The following DCDC1 variants were observed in gnomAD, a reference collection of about 807,000 sequenced individuals.
DCDC1 encodes doublecortin domain containing 1, also known as doublecortin domain-containing protein 1.
A neutral mutation model predicts 178.3 loss-of-function variants in DCDC1; 200 were observed. The observed-to-expected ratio is 1.12, with a 90% confidence interval of 1.00 to 1.26. The LOEUF is 1.26. Among genes scored for constraint, DCDC1 ranks in the 50% most tolerant of loss-of-function variants. The pLI, the probability that DCDC1 is intolerant of heterozygous loss-of-function variation, is 0.00. For synonymous variants in DCDC1, 690 were observed against 604.8 expected (o/e 1.14, Z -2.07); for missense variants, 1,983 against 1,749.2 (o/e 1.13, Z -2.38).
At chr11:31,249,626 A>C (rs1943828489) in intron 8 of DCDC1, among the ~76,000 whole-genome samples, 1 of 152,148 alleles carries the variant, frequency 6.6e-6, no homozygotes, top group Non-Finnish European at 1.5e-5. Context: ...TTTCCGACAC[A>C]ACAGGCTCTT....
chr11:31,362,297 G>C (rs1377616828), intron 1 of DCDC1, among the ~76,000 whole-genome samples: 3 of 152,122 alleles, frequency 2.0e-5, no homozygotes, highest in Non-Finnish European at 4.4e-5. Context: ...AATAGTGATA[G>C]AGGAATATTC....
chr11:31,366,004 A>G (rs1200644144), intron 1 of DCDC1, among the ~76,000 whole-genome samples: 1 of 152,210 alleles, frequency 6.6e-6, no homozygotes, highest in Non-Finnish European at 1.5e-5. Context: ...TTATTAATTA[A>G]TAATAACAAC....
intron 9 of DCDC1, among the ~76,000 whole-genome samples, chr11:31,164,922 C>G (rs1483520493): frequency 1.3e-5 from 2 of 152,178 alleles, no homozygotes; most frequent in Non-Finnish European, 2.9e-5. Context: ...CCCTGTACAG[C>G]TGTGCCATTT....
chr11:31,307,326 C>G (rs1022325715), intron 4 of DCDC1: 3 of 254,038 alleles, frequency 1.2e-5, no homozygotes, highest in Admixed American at 4.9e-5. Flanking sequence ...GGTTAAATAT[C>G]AAAAGAAAGC....
Position 31,173,771 on chromosome 11 carries a change from C to CA in DCDC1, c.1222-35988_1222-35987insT, listed in dbSNP as rs1555100754. Among the ~76,000 whole-genome samples, 95 of 149,528 alleles carry CA rather than the reference C, an allele frequency of 6.4e-4. 1 individual carries two copies. The highest frequency in any genetic ancestry group is 2.2e-3 in the East Asian group (11 of 4,984). ...ACACACACACACAAACACACACACA[C>CA]CCCCACATCTTTTTAGACATCTTTT... On this transcript the variant is annotated intron_variant, in intron 9 of 38. Coordinates refer to ENST00000684477, the MANE Select transcript of DCDC1 (RefSeq NM_001387274.1).
chr11:30,900,456 G>T lies in DCDC1; in HGVS notation c.4553C>A (p.Ser1518Tyr). ...MKVKNRLFAK[S>Y]VTSDSLDGID... ...ACCATCCAAACTATCGGATGTCACA[G>T]ATTTTGCAAATAATCTGTTTTTCAC... Residue 1518 changes from serine (S) to tyrosine (Y), a missense_variant, in exon 33 of 39, where the codon TCT becomes TAT. Coordinates refer to ENST00000684477, the MANE Select transcript of DCDC1 (RefSeq NM_001387274.1). The T allele has an allele frequency of 6.4e-7, 1 of 1,551,838 alleles. No homozygotes were observed. The highest frequency in any genetic ancestry group is 1.9e-5 in the Admixed American group (1 of 53,206).
intron 9 of DCDC1, among the ~76,000 whole-genome samples, chr11:31,224,732 A>C (rs1468270031): frequency 6.6e-6 from 1 of 152,158 alleles, no homozygotes; most frequent in Non-Finnish European, 1.5e-5. Flanking sequence ...GAAGATATAC[A>C]AACAGCCAGC....
chr11:31,063,626 C>G (rs944364117), intron 20 of DCDC1, among the ~76,000 whole-genome samples: 20 of 152,056 alleles, frequency 1.3e-4, no homozygotes, highest in Non-Finnish European at 1.0e-4. Flanking sequence ...TGCTGATAAT[C>G]CCATCACTTT....
intron 20 of DCDC1, among the ~76,000 whole-genome samples, chr11:31,026,660 C>A (rs547502864): frequency 2.0e-5 from 3 of 151,648 alleles, no homozygotes; most frequent in Admixed American, 1.3e-4. Context: ...TACTTTGATG[C>A]GCTTTTTATT....
chr11:30,936,482 T>C (rs1947287183), intron 21 of DCDC1, among the ~76,000 whole-genome samples: 1 of 152,140 alleles, frequency 6.6e-6, no homozygotes, highest in Non-Finnish European at 1.5e-5. Context: ...TTCCATAATT[T>C]CCCTTAACAC....
chr11:31,281,363 G>A lies in DCDC1; in HGVS notation c.960+9284C>T, dbSNP rs75092080. On this transcript the variant is annotated intron_variant, in intron 7 of 38. Transcript: ENST00000684477. ...AAACAGTTCAGTCTTTCATCATTAG[G>A]TATGTAGTTAAATCAGTGTTTAGTA... 7.1e-3 allele frequency among the ~76,000 whole-genome samples: 1,080 copies of A among 152,052 alleles called. 7 individuals are homozygous for A. The highest frequency in any genetic ancestry group is 0.034 in the Middle Eastern group (10 of 294).
intron 30 of DCDC1, 42 bp from the exon 31 acceptor site, chr11:30,905,206 CTTGT>C: frequency 6.5e-7 from 1 of 1,538,334 alleles, no homozygotes; most frequent in Non-Finnish European, 8.8e-7. Flanking sequence ...CTCAAACTTT[CTTGT>C]TTTAGTGTGC....
At chr11:31,343,500 T>A (rs890561461) in intron 1 of DCDC1, among the ~76,000 whole-genome samples, 2 of 150,780 alleles carry the variant, frequency 1.3e-5, no homozygotes, top group Non-Finnish European at 3.0e-5. Flanking sequence ...AGAGATGGGG[T>A]TTCTCCATGT....
At chr11:30,866,563 G>A (rs1940997166) in intron 38 of DCDC1, among the ~76,000 whole-genome samples, 1 of 152,028 alleles carries the variant, frequency 6.6e-6, no homozygotes, top group Non-Finnish European at 1.5e-5. Flanking sequence ...GAATTTTGGA[G>A]GGACACAAAT....
At chr11:31,039,165 T>A (rs1422826338) in intron 20 of DCDC1, among the ~76,000 whole-genome samples, 2 of 152,280 alleles carry the variant, frequency 1.3e-5, no homozygotes, top group South Asian at 2.1e-4. Flanking sequence ...TGACAGGTAA[T>A]GTATGCTGTA....
rs188689387 is a variant in DCDC1 at position 31,026,112 on chromosome 11, T to C, written c.2591+38357A>G. Among the ~76,000 whole-genome samples the C allele has an allele frequency of 7.2e-5, 11 of 151,926 alleles. 1 individual carries two copies. The highest frequency in any genetic ancestry group is 6.6e-4 in the Admixed American group (10 of 15,236). On this transcript the variant is annotated intron_variant, in intron 20 of 38. Transcript: ENST00000684477. ...TAATTCAAATATCATTTAAACTCAT[T>C]AATCATTGGGAATTTGTATCTGTAT...
intron 7 of DCDC1, among the ~76,000 whole-genome samples, chr11:31,269,826 C>G (rs1945430190): frequency 6.6e-6 from 1 of 152,160 alleles, no homozygotes; most frequent in Admixed American, 6.5e-5. Context: ...TACTTGTTTA[C>G]AGATCTGGGA....
intron 20 of DCDC1, among the ~76,000 whole-genome samples, chr11:31,011,965 T>C (rs1952198825): frequency 6.6e-6 from 1 of 152,164 alleles, no homozygotes; most frequent in Admixed American, 6.5e-5. Context: ...GTGATTGGAT[T>C]ATGAGGATGG....
intron 7 of DCDC1, among the ~76,000 whole-genome samples, chr11:31,271,370 T>G (rs1386129180): frequency 2.0e-5 from 3 of 152,240 alleles, no homozygotes; most frequent in African/African-American, 7.2e-5. Flanking sequence ...CTACTGCTTC[T>G]CAACTAGCCT....
Sources: gnomAD v4.1 joint callset for allele counts (sites outside exome capture counted in the v4.1 genomes callset) on GRCh38, gnomAD v4.1.1 for gene constraint, MANE v1.5 for transcripts, NCBI Gene and HGNC (gene_info 2026-07-23, HGNC 2026-07-21) for gene names.